AK2: variants seen among roughly 807,000 people sequenced by gnomAD.
AK2 encodes adenylate kinase 2, mitochondrial.
Under a neutral mutation model 24.6 loss-of-function variants are expected in AK2, and 15 were observed. That is an observed-to-expected ratio of 0.61 (90% CI 0.41 to 0.94). The LOEUF (loss-of-function observed/expected upper bound fraction) is 0.94, where lower values mean the gene tolerates loss of function less well. Among genes scored for constraint, AK2 ranks in the 40% least tolerant of loss-of-function variants. The pLI is 0.00. For missense variants in AK2, 257 were observed against 304.1 expected, an observed-to-expected ratio of 0.85 and a Z score of 1.15; for synonymous variants, 102 against 114.0, an observed-to-expected ratio of 0.90 and a Z score of 0.67.
chr1:33,020,880 C>T (rs1055286895), intron 4 of AK2, among the ~76,000 whole-genome samples: 1 of 149,332 alleles, frequency 6.7e-6, no homozygotes, highest in African/African-American at 2.5e-5. Flanking sequence ...GGCACAGTGG[C>T]TCAAGCGTGT....
At chr1:33,016,245 T>G (rs976504565) in intron 4 of AK2, among the ~76,000 whole-genome samples, 1 of 152,192 alleles carries the variant, frequency 6.6e-6, no homozygotes, top group Admixed American at 6.5e-5. Context: ...AGAGTCTCCC[T>G]CTGTCACCCA....
rs756993680 is a variant in AK2, at chr1:33,011,904, G to C, written c.*1277C>G. 6 of 1,531,598 alleles carry C rather than the reference G, an allele frequency of 3.9e-6. No homozygotes were observed. The East Asian group carries it at 1.5e-4, about 38-fold the overall frequency. 94.9% of individuals were successfully genotyped at this position (1,531,598 alleles called of 1,614,324 possible). ...AGGGGTGAAGGGTTGGATCTAGAAAGGAGAGGGTTTGGGCTTAAAAAGAAC... is the reference window on the plus strand; with the variant it reads ...AGGGGTGAAGGGTTGGATCTAGAAACGAGAGGGTTTGGGCTTAAAAAGAAC... On this transcript the variant is annotated 3_prime_UTR_variant, in exon 6 of 6. Transcript: ENST00000672715.
intron 5 of AK2, among the ~76,000 whole-genome samples, chr1:33,013,968 T>C (rs936352572): frequency 6.6e-6 from 1 of 152,212 alleles, no homozygotes; most frequent in African/African-American, 2.4e-5. Flanking sequence ...AATGACCTGA[T>C]GAACTTGTTT....
At chr1:33,016,446 C>T (rs1386714512) in intron 4 of AK2, among the ~76,000 whole-genome samples, 1 of 151,986 alleles carries the variant, frequency 6.6e-6, no homozygotes, top group Non-Finnish European at 1.5e-5. Context: ...CTCCTGACCT[C>T]GTGATCCACC....
In AK2 at chr1:33,009,418, T is replaced by G. The variant is rs1245867963; in HGVS notation, c.*3763A>C. 3 of 454,128 alleles carry G rather than the reference T, an allele frequency of 6.6e-6. No homozygotes were observed. In the Admixed American group the frequency reaches 7.0e-5, roughly 11 times the overall value. 28.1% of individuals were successfully genotyped at this position (454,128 alleles called of 1,614,324 possible). A position where few individuals can be genotyped will look rare whatever the true frequency, so the allele number is the denominator to read the frequency against. On this transcript the variant is annotated 3_prime_UTR_variant, in exon 6 of 6. Transcript: ENST00000672715. ...GATCTGGCTTAAGGATTAGAAGCACTGGCTTTCTAGACTATGGACAAGTGT... is the reference window on the plus strand; with the variant it reads ...GATCTGGCTTAAGGATTAGAAGCACGGGCTTTCTAGACTATGGACAAGTGT...
Position 33,009,882 on chromosome 1 carries a change from T to C in AK2, c.*3299A>G, listed in dbSNP as rs1638689837. Reference sequence around the variant, plus strand: ...GGTCCAGAATTCAATGTCATTTTTCTAGCTTAGATTATCTAAAAAAAATGC... The same window carrying C: ...GGTCCAGAATTCAATGTCATTTTTCCAGCTTAGATTATCTAAAAAAAATGC... On this transcript the variant is annotated 3_prime_UTR_variant, in exon 6 of 6. Transcript: ENST00000672715. The C allele has an allele frequency of 6.6e-6, 3 of 453,998 alleles. No homozygotes were observed. Among genetic ancestry groups the C allele is most frequent in the South Asian group, 4.7e-5 (3 of 64,450 alleles). The allele number at this position is 453,998 out of a possible 1,614,324, so 28.1% of individuals were successfully genotyped here.
intron 1 of AK2, among the ~76,000 whole-genome samples, chr1:33,035,804 T>G (rs1328317038): frequency 6.6e-6 from 1 of 152,116 alleles, no homozygotes; most frequent in African/African-American, 2.4e-5. Flanking sequence ...TGAAACTCAT[T>G]TCACTAATTT....
chr1:33,036,095 T>C (rs59696845), intron 1 of AK2, among the ~76,000 whole-genome samples: 6,839 of 152,234 alleles, frequency 0.045, 546 homozygotes, highest in African/African-American at 0.15. Context: ...CCAACCCTTA[T>C]TGTGGACACT....
intron 4 of AK2, 39 bp downstream of exon 4, chr1:33,021,328 T>C: frequency 1.3e-6 from 2 of 1,558,320 alleles, no homozygotes; most frequent in East Asian, 4.5e-5. Flanking sequence ...TTGAGAAAGC[T>C]CTGAGAAGCA....
chr1:33,022,935 C>T (rs1414535267), intron 2 of AK2, among the ~76,000 whole-genome samples: 2 of 152,082 alleles, frequency 1.3e-5, no homozygotes, highest in African/African-American at 2.4e-5. Context: ...AACTCAAAGT[C>T]CAAAATATCT....
At chr1:33,021,871 TG>T (rs1285429080) in intron 2 of AK2, among the ~76,000 whole-genome samples, 168 bp from the exon 3 acceptor site, 4 of 152,162 alleles carry the variant, frequency 2.6e-5, no homozygotes, top group African/African-American at 9.7e-5. Flanking sequence ...TGGCTCCATT[TG>T]GAAGATCCAG....
At chr1:33,019,580 G>A in intron 4 of AK2, 3 of 974,282 alleles carry the variant, frequency 3.1e-6, no homozygotes, top group Non-Finnish European at 3.7e-6. Flanking sequence ...TGAATATAAG[G>A]TAGAGTCCAC....
intron 1 of AK2, among the ~76,000 whole-genome samples, chr1:33,030,091 C>T (rs1640144045): frequency 6.6e-6 from 1 of 152,236 alleles, no homozygotes; most frequent in Non-Finnish European, 1.5e-5. Context: ...CCACAAGTGC[C>T]CTGTGTTTAC....
chr1:33,036,731 C>T lies in AK2; in HGVS notation c.93+5G>A. Reference sequence around the variant, plus strand: ...TCCGCCGCCAAGCCCAGTCCTGCCGCTCACCTGGGTCCCTTTACCGGCCCC... The same window carrying T: ...TCCGCCGCCAAGCCCAGTCCTGCCGTTCACCTGGGTCCCTTTACCGGCCCC... On this transcript the variant is annotated splice_donor_5th_base_variant and intron_variant, in intron 1 of 5. Coordinates refer to ENST00000672715, the MANE Select transcript of AK2 (RefSeq NM_001625.4). 3 of 1,574,290 alleles carry T rather than the reference C, an allele frequency of 1.9e-6. No individual in the cohort carries two copies. Among genetic ancestry groups the T allele is most frequent in the Non-Finnish European group, 2.6e-6 (3 of 1,157,338 alleles).
At chr1:33,031,853 C>G in intron 1 of AK2, 1 of 343,126 alleles carries the variant, frequency 2.9e-6, no homozygotes. Context: ...TGGTTTTGAC[C>G]ACACCGAAGG....
intron 1 of AK2, chr1:33,032,044 T>C (rs1235035671): frequency 5.2e-6 from 1 of 192,950 alleles, no homozygotes; most frequent in Admixed American, 5.7e-5. Flanking sequence ...TCATGCAACA[T>C]AAAGCACATA....
At chr1:33,034,240 C>G (rs1333538061) in intron 1 of AK2, among the ~76,000 whole-genome samples, 1 of 152,124 alleles carries the variant, frequency 6.6e-6, no homozygotes, top group Non-Finnish European at 1.5e-5. Flanking sequence ...TCTACAAAGC[C>G]TTCTCTGACC....
rs1299769538 is a variant in AK2, at chr1:33,012,833, G to A, written c.*348C>T. The A allele has an allele frequency of 2.4e-6, 3 of 1,232,954 alleles. No individual in the cohort carries two copies. The highest frequency in any genetic ancestry group is 3.2e-6 in the Non-Finnish European group (3 of 936,188). The allele number at this position is 1,232,954 out of a possible 1,614,324, so 76.4% of individuals were successfully genotyped here. A position where few individuals can be genotyped will look rare whatever the true frequency, so the allele number is the denominator to read the frequency against. ...AATTGCTTGAGCCCCAGGAGGCAGAGGTTGCCGTGAGCCAAGATCACGCCA... is the reference window on the plus strand; with the variant it reads ...AATTGCTTGAGCCCCAGGAGGCAGAAGTTGCCGTGAGCCAAGATCACGCCA... On this transcript the variant is annotated 3_prime_UTR_variant, in exon 6 of 6. Coordinates refer to ENST00000672715, the MANE Select transcript of AK2 (RefSeq NM_001625.4).
Position 33,028,787 on chromosome 1 carries a change from G to A in AK2, c.94-4220C>T, listed in dbSNP as rs555942397. Among the ~76,000 whole-genome samples the A allele has an allele frequency of 4.1e-4, 62 of 152,298 alleles. 1 individual carries two copies. In the South Asian group the frequency reaches 0.013, roughly 31 times the overall value. On this transcript the variant is annotated intron_variant, in intron 1 of 5. Transcript: ENST00000672715. ...CTAGAGAGACAGCATGGTGGGCTGA[G>A]TGGTTCTCAAATTTCAGTGTATTAT... is the stretch of plus-strand genomic sequence containing the variant.
Sources: allele counts gnomAD v4.1 joint callset (sites outside exome capture counted in the v4.1 genomes callset), GRCh38; gene constraint gnomAD v4.1.1; transcripts MANE v1.5; gene names NCBI Gene and HGNC (gene_info 2026-07-23, HGNC 2026-07-21).